SDCCAG8: variants seen among roughly 807,000 people sequenced by gnomAD.
SDCCAG8 encodes the protein serologically defined colon cancer antigen 8.
SDCCAG8 carries 74 observed loss-of-function variants against 101.8 expected under a neutral mutation model. The observed-to-expected ratio is 0.73, with a 90% CI of 0.60 to 0.88. The LOEUF (loss-of-function observed/expected upper bound fraction) is 0.88. Ranked by LOEUF, SDCCAG8 falls within the 40% of genes least tolerant of loss-of-function variation. The probability of loss-of-function intolerance (pLI) is 0.00; values close to 1 mark genes in which losing one functional copy is unlikely to be tolerated. For missense variants in SDCCAG8, 787 were observed against 822.6 expected, an observed-to-expected ratio of 0.96 and a Z score of 0.53; for synonymous variants, 281 against 292.9, an observed-to-expected ratio of 0.96 and a Z score of 0.41.
chr1:243,282,022 C>T lies in SDCCAG8; in HGVS notation c.421-4250C>T, dbSNP rs546859689. Among the ~76,000 whole-genome samples the T allele has an allele frequency of 1.9e-4, 29 of 152,086 alleles. No homozygotes were observed. The South Asian group carries it at 5.0e-3, about 26-fold the overall frequency. ...TTTTGGAGACAGAGTCTCTCTCAGT[C>T]GCCCAGGCTGTAGTGCAGTGACTCC... On this transcript the variant is annotated intron_variant, in intron 4 of 17. Coordinates refer to ENST00000366541, the MANE Select transcript of SDCCAG8 (RefSeq NM_006642.5).
chr1:243,456,823 A>T (rs137873307), intron 16 of SDCCAG8, among the ~76,000 whole-genome samples: 6 of 152,156 alleles, frequency 3.9e-5, no homozygotes, highest in Non-Finnish European at 7.3e-5. Flanking sequence ...TAGAATTGGG[A>T]TGGAAGACCT....
In SDCCAG8 at chr1:243,415,728, G is replaced by C. The variant is rs775898129; in HGVS notation, c.1643G>C (p.Ser548Thr). ...CAGGAAAAAGATAGCATTCAGCAGA[G>C]CTTTAGCAAGGAAGCAAAGGCCCAA... ...TRQEKDSIQQ[S>T]FSKEAKAQAL... Residue 548 changes from serine to threonine, a missense_variant, in exon 14 of 18, where the codon AGC (serine) becomes ACC (threonine). Coordinates refer to ENST00000366541, the MANE Select transcript of SDCCAG8 (RefSeq NM_006642.5). 14 of 1,613,666 alleles carry C rather than the reference G, an allele frequency of 8.7e-6. No individual in the cohort carries two copies. The highest frequency in any genetic ancestry group is 1.2e-5 in the Non-Finnish European group (14 of 1,179,786).
At chr1:243,274,770 T>G in intron 4 of SDCCAG8, 114 bp downstream of exon 4, 1 of 666,346 alleles carries the variant, frequency 1.5e-6, no homozygotes, top group Non-Finnish European at 2.7e-6. Context: ...CATTGACAAT[T>G]GCTATTCTTA....
intron 16 of SDCCAG8, among the ~76,000 whole-genome samples, chr1:243,468,343 G>A (rs562351087): frequency 4.0e-5 from 6 of 151,666 alleles, no homozygotes; most frequent in South Asian, 2.1e-4. Flanking sequence ...TCAGTGTCCC[G>A]AGTAGCTGGG....
At chr1:243,475,141 G>A (rs1446201510) in intron 16 of SDCCAG8, among the ~76,000 whole-genome samples, 1 of 152,154 alleles carries the variant, frequency 6.6e-6, no homozygotes, top group Non-Finnish European at 1.5e-5. Context: ...ACACGCACAG[G>A]CCCTGAGCCC....
At chr1:243,312,560 G>T (rs976291121) in intron 8 of SDCCAG8, among the ~76,000 whole-genome samples, 1 of 152,082 alleles carries the variant, frequency 6.6e-6, no homozygotes, top group Non-Finnish European at 1.5e-5. Context: ...TACAAAAATA[G>T]CTGGATGTGT....
chr1:243,460,988 T>C lies in SDCCAG8; in HGVS notation c.1986-28026T>C, dbSNP rs75589152. Among the ~76,000 whole-genome samples the C allele has an allele frequency of 3.3e-3, 504 of 152,326 alleles. 4 individuals are homozygous for C. Among genetic ancestry groups the C allele is most frequent in the African/African-American group, 0.012 (495 of 41,574 alleles). On this transcript the variant is annotated intron_variant, in intron 16 of 17. Coordinates refer to ENST00000366541, the MANE Select transcript of SDCCAG8 (RefSeq NM_006642.5). ...ATTGTCAGCTGTTGAGAAAAGGTAA[T>C]TATCACTAGTCAAATGAAAAACACT...
intron 12 of SDCCAG8, among the ~76,000 whole-genome samples, chr1:243,362,879 A>G (rs1434508288): frequency 1.3e-5 from 2 of 152,250 alleles, no homozygotes; most frequent in Non-Finnish European, 1.5e-5. Flanking sequence ...TTAAAATTCA[A>G]TTAAAACCCC....
intron 9 of SDCCAG8, among the ~76,000 whole-genome samples, chr1:243,323,049 T>C (rs2073887453): frequency 1.3e-5 from 2 of 151,516 alleles, no homozygotes; most frequent in African/African-American, 2.4e-5. Context: ...GCAGGAGAAT[T>C]GCTTGAACCC....
chr1:243,473,347 A>G (rs1015468935), intron 16 of SDCCAG8, among the ~76,000 whole-genome samples: 1 of 152,170 alleles, frequency 6.6e-6, no homozygotes, highest in Non-Finnish European at 1.5e-5. Flanking sequence ...CGCCACCATC[A>G]CATCCCCCTC....
intron 11 of SDCCAG8, among the ~76,000 whole-genome samples, chr1:243,343,828 A>C (rs2075529668): frequency 1.3e-5 from 2 of 152,370 alleles, no homozygotes; most frequent in African/African-American, 4.8e-5. Flanking sequence ...TATAGAGTGA[A>C]TATTTAACTG....
chr1:243,297,292 G>T (rs72759804), intron 6 of SDCCAG8, among the ~76,000 whole-genome samples: 5,869 of 152,258 alleles, frequency 0.039, 177 homozygotes, highest in Non-Finnish European at 0.061. Context: ...TCTTTGGTGG[G>T]TCTGCTATAT....
intron 4 of SDCCAG8, among the ~76,000 whole-genome samples, chr1:243,284,835 G>T (rs1411495507): frequency 2.0e-5 from 3 of 152,026 alleles, no homozygotes; most frequent in Non-Finnish European, 4.4e-5. Flanking sequence ...TAGTGTCCTG[G>T]AGATAAAATT....
intron 13 of SDCCAG8, among the ~76,000 whole-genome samples, chr1:243,398,467 A>G (rs1215166694): frequency 6.6e-6 from 1 of 152,182 alleles, no homozygotes; most frequent in Non-Finnish European, 1.5e-5. Context: ...CCTGTATTTT[A>G]AAGTCATCTG....
intron 3 of SDCCAG8, among the ~76,000 whole-genome samples, 180 bp from the exon 4 acceptor site, chr1:243,274,363 G>A (rs1370110217): frequency 6.6e-6 from 1 of 152,172 alleles, no homozygotes; most frequent in Non-Finnish European, 1.5e-5. Flanking sequence ...TGGGGGACAA[G>A]CATCCAAACT....
At chr1:243,467,219 T>C (rs1660332810) in intron 16 of SDCCAG8, among the ~76,000 whole-genome samples, 1 of 152,224 alleles carries the variant, frequency 6.6e-6, no homozygotes, top group African/African-American at 2.4e-5. Context: ...AGCAAAGGCT[T>C]TCATTTTTTT....
chr1:243,294,070 AAC>A (rs2070544775), intron 6 of SDCCAG8, among the ~76,000 whole-genome samples: 1 of 152,046 alleles, frequency 6.6e-6, no homozygotes, highest in South Asian at 2.1e-4. Flanking sequence ...GAGTGTGTTT[AAC>A]ACAGTCATTT....
intron 16 of SDCCAG8, among the ~76,000 whole-genome samples, chr1:243,436,778 A>C (rs191208493): frequency 7.8e-4 from 119 of 152,298 alleles, no homozygotes; most frequent in Admixed American, 2.6e-3. Context: ...TTTTTCTACA[A>C]TTAACTGTGG....
chr1:243,378,790 G>A lies in SDCCAG8; in HGVS notation c.1543G>A (p.Ala515Thr), dbSNP rs200767475. The A allele has an allele frequency of 1.9e-6, 3 of 1,614,104 alleles. No homozygotes were observed. Among genetic ancestry groups the A allele is most frequent in the Non-Finnish European group, 2.5e-6 (3 of 1,179,992 alleles). ...CTTGGAACAGGAGCAGCAGAAGGCA[G>A]CCCTGGCCAGAGAGGAGTGCCTGAG... ...QHLEQEQQKAALAREECLRLT... is the reference protein window; with the variant it reads ...QHLEQEQQKATLAREECLRLT... Residue 515 changes from alanine (A) to threonine (T), a missense_variant, in exon 13 of 18, where the codon GCC becomes ACC. By Grantham distance (58) the Ala-to-Thr change is moderately conservative (BLOSUM62 0). Transcript: ENST00000366541.
Sources: gnomAD v4.1 joint callset for allele counts (sites outside exome capture counted in the v4.1 genomes callset) on GRCh38, gnomAD v4.1.1 for gene constraint, MANE v1.5 for transcripts, NCBI Gene and HGNC (gene_info 2026-07-23, HGNC 2026-07-21) for gene names.